The following PDCD11 variants were observed in gnomAD, a reference collection of about 807,000 sequenced individuals.
PDCD11 encodes protein RRP5 homolog.
Under a neutral mutation model 198.9 loss-of-function variants are expected in PDCD11, and 97 were observed. That is an observed-to-expected ratio of 0.49 (90% CI 0.41 to 0.58). The LOEUF is 0.58. Ranked by LOEUF, PDCD11 falls within the 20% of genes least tolerant of loss-of-function variation. PDCD11 has a pLI of 0.00. For synonymous variants in PDCD11, 893 were observed against 918.0 expected (o/e 0.97, Z 0.49); for missense variants, 2,102 against 2,312.7 (o/e 0.91, Z 1.87).
At chr10:103,398,361 T>G in intron 1 of PDCD11, 55 bp from the exon 2 acceptor site, 1 of 1,100,518 alleles carries the variant, frequency 9.1e-7, no homozygotes, top group Non-Finnish European at 1.4e-6. Flanking sequence ...ATAACACCTT[T>G]CTGAAATCTG....
rs1200519240 is a variant in PDCD11, at chr10:103,439,840, G to C, written c.4120G>C (p.Gly1374Arg). Reference protein sequence around the residue: ...KALYNKHLPEGKLLTARVLRL... With the variant: ...KALYNKHLPERKLLTARVLRL... The stretch of plus-strand genomic sequence containing the variant: ...CCTTTATAACAAACACCTCCCTGAA[G>C]GGAAGCTGCTCACAGCCAGGGTCCT... Residue 1374 changes from glycine (G) to arginine (R), a missense_variant, in exon 28 of 36, where the codon GGG becomes CGG. Transcript: ENST00000369797. The C allele has an allele frequency of 2.5e-6, 4 of 1,614,172 alleles. No individual in the cohort carries two copies. The highest frequency in any genetic ancestry group is 3.4e-6 in the Non-Finnish European group (4 of 1,180,034).
intron 9 of PDCD11, 92 bp downstream of exon 9, chr10:103,413,414 G>C: frequency 1.9e-6 from 2 of 1,029,116 alleles, no homozygotes; most frequent in Non-Finnish European, 2.9e-6. Flanking sequence ...ATTCCTTGAT[G>C]CTAGTTTAAA....
In PDCD11 at chr10:103,421,473, C is replaced by T. The variant is rs1178914823; in HGVS notation, c.2403C>T (p.Asp801=). The change falls in exon 17 of 36, where the codon GAC becomes GAT. Residue 801 remains aspartate, a synonymous_variant. Coordinates refer to ENST00000369797, the MANE Select transcript of PDCD11 (RefSeq NM_014976.2). ...QRMLLSLRLS[D]CGLGDLAITS... Reference sequence around the variant, plus strand: ...TGCTGCTGTCACTGCGGCTGTCGGACTGTGGTCTGGGGGACTTGGCTATCA... The same window carrying T: ...TGCTGCTGTCACTGCGGCTGTCGGATTGTGGTCTGGGGGACTTGGCTATCA... 1 of 1,601,364 alleles carries T rather than the reference C, an allele frequency of 6.2e-7. No individual in the cohort carries two copies. The highest frequency in any genetic ancestry group is 1.7e-5 in the Admixed American group (1 of 57,694).
rs2032257966 is a variant in PDCD11, at chr10:103,438,785, C to T, written c.4002C>T (p.Ile1334=). Residue 1334 remains isoleucine (I), a synonymous_variant, in exon 27 of 36, where the codon ATC becomes ATT. Transcript: ENST00000369797. ...GQLLRGYVGS[I]QPHGVFFRLG... Reference sequence around the variant, plus strand: ...TTCTGAGGGGCTATGTAGGGTCCATCCAGCCACACGGTGTGTTCTTTCGGT... The same window carrying T: ...TTCTGAGGGGCTATGTAGGGTCCATTCAGCCACACGGTGTGTTCTTTCGGT... 3 of 1,614,102 alleles carry T rather than the reference C, an allele frequency of 1.9e-6. No homozygotes were observed. The highest frequency in any genetic ancestry group is 2.5e-6 in the Non-Finnish European group (3 of 1,180,016).
intron 19 of PDCD11, among the ~76,000 whole-genome samples, chr10:103,424,778 A>G (rs1592131134): frequency 2.0e-5 from 3 of 152,350 alleles, no homozygotes; most frequent in African/African-American, 7.2e-5. Context: ...AAGGTAATTC[A>G]GAGGCAGCCC....
chr10:103,398,419 A>C lies in PDCD11; in HGVS notation c.-8A>C, dbSNP rs753728794. The C allele has an allele frequency of 1.3e-6, 2 of 1,594,942 alleles. No homozygotes were observed. Among genetic ancestry groups the C allele is most frequent in the African/African-American group, 2.7e-5 (2 of 74,506 alleles). On this transcript the variant is annotated 5_prime_UTR_variant, in exon 2 of 36. Transcript: ENST00000369797. ...TTATCCTTTGCATTGTTTTTAGGAGACCCAAACATGGCAAACCTGGAAGAA... is the reference window on the plus strand; with the variant it reads ...TTATCCTTTGCATTGTTTTTAGGAGCCCCAAACATGGCAAACCTGGAAGAA...
intron 2 of PDCD11, 138 bp from the exon 3 acceptor site, chr10:103,400,259 A>T (rs2029933032): frequency 4.1e-6 from 1 of 244,150 alleles, no homozygotes; most frequent in Admixed American, 5.3e-5. Context: ...GAATTAAAGG[A>T]ACAATTGGGA....
In PDCD11 at chr10:103,440,459, G is replaced by C. The variant is rs766720395; in HGVS notation, c.4318G>C (p.Glu1440Gln). Reference sequence around the variant, plus strand: ...GGAAAAGAAAAATCAGAAAAGGAACGAGAAGAAGAACCAGAAGGGGCAGGA... The same window carrying C: ...GGAAAAGAAAAATCAGAAAAGGAACCAGAAGAAGAACCAGAAGGGGCAGGA... ...KGEKKNQKRN[E>Q]KKNQKGQEEV... The change falls in exon 29 of 36, where the codon GAG (glutamate) becomes CAG (glutamine). Residue 1440 changes from glutamate to glutamine, a missense_variant. Coordinates refer to ENST00000369797, the MANE Select transcript of PDCD11 (RefSeq NM_014976.2). The C allele has an allele frequency of 6.2e-7, 1 of 1,613,946 alleles. No homozygotes were observed. Among genetic ancestry groups the C allele is most frequent in the Non-Finnish European group, 8.5e-7 (1 of 1,179,946 alleles).
chr10:103,442,274 G>T lies in PDCD11; in HGVS notation c.4769G>T (p.Arg1590Leu). The change falls in exon 32 of 36, where the codon CGC becomes CTC. Residue 1590 changes from arginine (R) to leucine (L), a missense_variant. Physicochemically the swap from Arg to Leu is moderately radical, Grantham distance 102 (BLOSUM62 -2). Transcript: ENST00000369797. ...CAGAAGGCAGAGAAGGAACTGTCCC[G>T]CATTGAGGAGGCGCTGATGGATCCT... ...EKQKAEKELS[R>L]IEEALMDPGR... 6.2e-7 allele frequency: 1 copy of T among 1,614,206 alleles called. No homozygotes were observed. The highest frequency in any genetic ancestry group is 8.5e-7 in the Non-Finnish European group (1 of 1,180,030).
chr10:103,407,645 A>G (rs2030541401), intron 7 of PDCD11, among the ~76,000 whole-genome samples: 1 of 152,088 alleles, frequency 6.6e-6, no homozygotes, highest in East Asian at 1.9e-4. Flanking sequence ...CCTGAGCTCT[A>G]GTGATCCTCC....
At chr10:103,428,061 T>C (rs1371974880) in intron 21 of PDCD11, among the ~76,000 whole-genome samples, 1 of 152,144 alleles carries the variant, frequency 6.6e-6, no homozygotes, top group African/African-American at 2.4e-5. Context: ...ATCCCAGCAC[T>C]TTTGGAGGCT....
Position 103,413,283 on chromosome 10 carries a change from C to T in PDCD11, c.1146C>T (p.Ala382=). ...AGGGTTTTTTCAAAAAGGCTGGGGC[C>T]ACCTTTAGGCTGAAGGATGGGGTTC... is the stretch of plus-strand genomic sequence containing the variant. ...PVQGFFKKAG[A]TFRLKDGVLA... is the part of the protein sequence containing the mutation. The change falls in exon 9 of 36, where the codon GCC becomes GCT. Residue 382 remains alanine, a synonymous_variant. Transcript: ENST00000369797. The T allele has an allele frequency of 6.2e-7, 1 of 1,614,168 alleles. No individual in the cohort carries two copies. The highest frequency in any genetic ancestry group is 1.1e-5 in the South Asian group (1 of 91,080).
rs1391485065 is a variant in PDCD11, at chr10:103,424,970, T to C, written c.2764-14T>C. The C allele has an allele frequency of 6.2e-7, 1 of 1,612,328 alleles. No individual in the cohort carries two copies. Among genetic ancestry groups the C allele is most frequent in the South Asian group, 1.1e-5 (1 of 91,016 alleles). On this transcript the variant is annotated splice_polypyrimidine_tract_variant and intron_variant, in intron 19 of 35. Transcript: ENST00000369797. ...TGTAAGGAAAGCAGGGATGGTGGCTTTTCTCTCTTCTAGCTGAGGAAAGGC... is the reference window on the plus strand; with the variant it reads ...TGTAAGGAAAGCAGGGATGGTGGCTCTTCTCTCTTCTAGCTGAGGAAAGGC...
At chr10:103,425,631 C>T (rs2031662942) in intron 20 of PDCD11, 106 bp downstream of exon 20, 1 of 918,178 alleles carries the variant, frequency 1.1e-6, no homozygotes, top group Non-Finnish European at 1.7e-6. Context: ...GTCAGATTCT[C>T]TTTTAGTTAA....
chr10:103,422,121 G>A (rs543040113), intron 17 of PDCD11, among the ~76,000 whole-genome samples: 3 of 145,954 alleles, frequency 2.1e-5, no homozygotes, highest in South Asian at 2.2e-4. Context: ...GCACTCTGTC[G>A]CCTGGGATGG....
chr10:103,399,331 T>G (rs1040355972), intron 2 of PDCD11, among the ~76,000 whole-genome samples: 65 of 152,092 alleles, frequency 4.3e-4, no homozygotes, highest in Non-Finnish European at 1.5e-4. Context: ...ATGGCAGGTG[T>G]GAGCCACTGC....
At chr10:103,398,291 A>G in intron 1 of PDCD11, 125 bp from the exon 2 acceptor site, 2 of 648,268 alleles carry the variant, frequency 3.1e-6, no homozygotes, top group South Asian at 1.8e-5. Flanking sequence ...TAAACCATCT[A>G]TGTTGTAGTC....
At chr10:103,437,740 A>G (rs2032209997) in intron 25 of PDCD11, among the ~76,000 whole-genome samples, 1 of 152,066 alleles carries the variant, frequency 6.6e-6, no homozygotes. Context: ...CGCCTACCTC[A>G]GCCTCCCAAA....
intron 4 of PDCD11, among the ~76,000 whole-genome samples, chr10:103,403,923 T>C (rs1257120887): frequency 6.6e-6 from 1 of 152,164 alleles, no homozygotes; most frequent in Non-Finnish European, 1.5e-5. Context: ...TTTGCATGAT[T>C]TGATGCTTGG....
Sources: gnomAD v4.1 joint callset for allele counts (sites outside exome capture counted in the v4.1 genomes callset) on GRCh38, gnomAD v4.1.1 for gene constraint, MANE v1.5 for transcripts, NCBI Gene and HGNC (gene_info 2026-07-23, HGNC 2026-07-21) for gene names.